CEP164: variants seen among roughly 807,000 people sequenced by gnomAD.
CEP164 encodes the protein centrosomal protein of 164 kDa.
Under a neutral mutation model 182.7 loss-of-function variants are expected in CEP164, and 162 were observed. That is an observed-to-expected ratio of 0.89 (90% CI 0.78 to 1.01). The LOEUF (loss-of-function observed/expected upper bound fraction) is 1.01. Among genes scored for constraint, CEP164 ranks in the 50% least tolerant of loss-of-function variants. The pLI is 0.00. For missense variants in CEP164, 1,735 were observed against 1,790.4 expected, an observed-to-expected ratio of 0.97 and a Z score of 0.56; for synonymous variants, 661 against 690.0, an observed-to-expected ratio of 0.96 and a Z score of 0.66.
intron 7 of CEP164, among the ~76,000 whole-genome samples, chr11:117,363,014 T>C (rs1004712720): frequency 3.3e-5 from 5 of 152,240 alleles, no homozygotes; most frequent in Admixed American, 2.0e-4. Flanking sequence ...TAAGGCTGAA[T>C]AATATTCCAT....
Position 117,371,246 on chromosome 11 carries a change from C to A in CEP164, c.932C>A (p.Pro311Gln). 3 of 1,614,146 alleles carry A rather than the reference C, an allele frequency of 1.9e-6. No homozygotes were observed. Among genetic ancestry groups the A allele is most frequent in the Non-Finnish European group, 2.5e-6 (3 of 1,180,032 alleles). ...GGAAGTGGAGCAAGACCTGGTCTTC[C>A]AGAAAAAGAGGAAAATGAGAAGAGT... ...RQGSGARPGL[P>Q]EKEENEKSEP... The change falls in exon 9 of 33, where the codon CCA becomes CAA. Residue 311 changes from proline to glutamine, a missense_variant. Transcript: ENST00000278935.
intron 2 of CEP164, chr11:117,336,332 G>A (rs2037110004): frequency 6.8e-7 from 1 of 1,477,112 alleles, no homozygotes; most frequent in African/African-American, 1.4e-5. Flanking sequence ...GTCACTGCTG[G>A]TCTGACCATG....
At position 117,387,185 on chromosome 11, in the gene CEP164, A is replaced by AT. The variant is rs1449913750; in HGVS notation, c.1725-16dup. ...GACATTAACCCTGTGATGATATGCC[A>AT]TTCCCCACCCATGGTAGGCGATCCA... is the stretch of plus-strand genomic sequence containing the variant. On this transcript the variant is annotated splice_polypyrimidine_tract_variant and intron_variant, in intron 14 of 32. Transcript: ENST00000278935. 1 of 1,611,402 alleles carries AT rather than the reference A, an allele frequency of 6.2e-7. No individual in the cohort carries two copies. Among genetic ancestry groups the AT allele is most frequent in the Non-Finnish European group, 8.5e-7 (1 of 1,177,758 alleles).
At chr11:117,355,476 G>GCC in intron 5 of CEP164, 1 of 1,289,690 alleles carries the variant, frequency 7.8e-7, no homozygotes, top group Non-Finnish European at 1.0e-6. Context: ...GAGCAGCACA[G>GCC]CCACAGCTTA....
Position 117,378,622 on chromosome 11 carries a change from C to T in CEP164, c.1318-1992C>T, listed in dbSNP as rs116871297. Among the ~76,000 whole-genome samples the T allele has an allele frequency of 1.7e-3, 266 of 152,264 alleles. 1 individual carries two copies. The highest frequency in any genetic ancestry group is 2.6e-3 in the Non-Finnish European group (174 of 68,022). On this transcript the variant is annotated intron_variant, in intron 11 of 32. Transcript: ENST00000278935. ...TTTTAGGCCAGAGGCTTAGGATGTG[C>T]GATTGTCTCCCCTTTCTGAAGAATG...
chr11:117,392,458 AG>A, intron 18 of CEP164, 37 bp from the exon 19 acceptor site: 1 of 1,602,308 alleles, frequency 6.2e-7, no homozygotes, highest in Non-Finnish European at 8.5e-7. Context: ...AGTCTGTCTG[AG>A]GGTCACACTC....
rs2045159692 is a variant in CEP164, at chr11:117,394,496, G to A, written c.2760+3G>A. ...TGCGGCGCCGGCACAGGGAGCAGGT[G>A]AGGGGCCTGGGGCAGGGTGAGCCCA... On this transcript the variant is annotated splice_donor_region_variant and intron_variant, in intron 21 of 32. Coordinates refer to ENST00000278935, the MANE Select transcript of CEP164 (RefSeq NM_014956.5). The surrounding 1 kb of genome is among the most constrained non-coding windows in gnomAD (Gnocchi z 4.0). 3 of 1,613,386 alleles carry A rather than the reference G, an allele frequency of 1.9e-6. No homozygotes were observed. The highest frequency in any genetic ancestry group is 1.7e-5 in the Admixed American group (1 of 59,990).
At chr11:117,405,672 T>G (rs2046595475) in intron 27 of CEP164, among the ~76,000 whole-genome samples, 1 of 152,212 alleles carries the variant, frequency 6.6e-6, no homozygotes, top group South Asian at 2.1e-4. Flanking sequence ...AACTTTTATA[T>G]TCTGTTTCTC....
chr11:117,387,413 G>C lies in CEP164; in HGVS notation c.1934+1G>C, dbSNP rs951827564. 6.2e-7 allele frequency: 1 copy of C among 1,613,978 alleles called. No individual in the cohort carries two copies. The highest frequency in any genetic ancestry group is 8.5e-7 in the Non-Finnish European group (1 of 1,179,972). ...ACCAGCAGAAAGAGCAATCTCTCAG[G>C]TCCTGCCCTTCCCCTTAGGCATGCT... On this transcript the variant is annotated splice_donor_variant, in intron 15 of 32. Transcript: ENST00000278935. LOFTEE classifies it high-confidence loss of function.
chr11:117,357,587 A>G (rs985526819), intron 5 of CEP164, among the ~76,000 whole-genome samples: 14 of 149,664 alleles, frequency 9.4e-5, no homozygotes, highest in African/African-American at 3.5e-4. Flanking sequence ...ACACCTGGCT[A>G]ATTTTTGTAT....
Position 117,336,519 on chromosome 11 carries a change from TG to T in CEP164, c.-22+844del, listed in dbSNP as rs1591981098. 31 of 1,533,226 alleles carry T rather than the reference TG, an allele frequency of 2.0e-5. No homozygotes were observed. In the East Asian group the frequency reaches 6.6e-4, roughly 32 times the overall value. The allele number at this position is 1,533,226 out of a possible 1,614,324, so 95.0% of individuals were successfully genotyped here. ...CTCCTAGGGGAGGAGGACAGGGGCC[TG>T]GGGGAAAGGGTGGATTGATAGGTGG... On this transcript the variant is annotated intron_variant, in intron 2 of 32. Transcript: ENST00000278935.
chr11:117,333,876 C>T (rs1170682312), intron 1 of CEP164, among the ~76,000 whole-genome samples: 1 of 152,168 alleles, frequency 6.6e-6, no homozygotes, highest in African/African-American at 2.4e-5. Flanking sequence ...CATGGCCTGG[C>T]TCCCACTGGC....
chr11:117,395,827 A>T, intron 24 of CEP164, 105 bp downstream of exon 24: 1 of 1,365,812 alleles, frequency 7.3e-7, no homozygotes, highest in Non-Finnish European at 1.0e-6. Context: ...GTGGAGTCCC[A>T]GCTTGGGAGC....
At chr11:117,331,965 G>T (rs1005934234) in intron 1 of CEP164, among the ~76,000 whole-genome samples, 1 of 140,102 alleles carries the variant, frequency 7.1e-6, no homozygotes, top group South Asian at 2.4e-4. Flanking sequence ...ACAGGTGCAC[G>T]CCACCATGCC....
At chr11:117,355,043 A>G (rs1030613743) in intron 5 of CEP164, 16 of 1,289,780 alleles carry the variant, frequency 1.2e-5, no homozygotes, top group Non-Finnish European at 1.5e-5. Flanking sequence ...GATGCAGGCT[A>G]TAAGTGAGGG....
intron 27 of CEP164, among the ~76,000 whole-genome samples, chr11:117,399,088 A>G (rs2045855817): frequency 6.6e-6 from 1 of 152,070 alleles, no homozygotes; most frequent in Non-Finnish European, 1.5e-5. Context: ...TGCACCCAAC[A>G]ACCGGTCATC....
chr11:117,367,683 G>T (rs1435265654), intron 8 of CEP164, among the ~76,000 whole-genome samples: 2 of 152,224 alleles, frequency 1.3e-5, no homozygotes, highest in East Asian at 1.9e-4. Flanking sequence ...TAAGTTCAGG[G>T]GTACCTGTGC....
chr11:117,322,092 GA>G (rs2035263997), intron 1 of CEP164, among the ~76,000 whole-genome samples: 2 of 152,070 alleles, frequency 1.3e-5, no homozygotes, highest in South Asian at 4.1e-4. Context: ...ATCACATCAG[GA>G]TATTTAGCAT....
At chr11:117,356,725 C>G (rs2040338132) in intron 5 of CEP164, 3 of 1,092,946 alleles carry the variant, frequency 2.7e-6, no homozygotes, top group Non-Finnish European at 2.3e-6. Context: ...GTTACCCACC[C>G]TACCGTGGTA....
Sources: gnomAD v4.1 joint callset for allele counts (sites outside exome capture counted in the v4.1 genomes callset) on GRCh38, gnomAD v4.1.1 for gene constraint, Gnocchi (gnomAD v3.1) non-coding constraint, MANE v1.5 for transcripts, NCBI Gene and HGNC (gene_info 2026-07-23, HGNC 2026-07-21) for gene names.